The following TRAPPC9 variants were observed in gnomAD, a reference collection of about 807,000 sequenced individuals.
The protein encoded by TRAPPC9 is trafficking protein particle complex subunit 9, also known as IKK2 binding protein.
Under a neutral mutation model 124.0 loss-of-function variants are expected in TRAPPC9, and 83 were observed. That is an observed-to-expected ratio of 0.67 (90% confidence interval 0.56 to 0.80). The LOEUF (loss-of-function observed/expected upper bound fraction) is 0.80. Among genes scored for constraint, TRAPPC9 ranks in the 30% least tolerant of loss-of-function variants. The pLI is 0.00. For synonymous variants in TRAPPC9, 638 were observed against 617.5 expected, an observed-to-expected ratio of 1.03 and a Z score of -0.49; for missense variants, 1,302 against 1,508.3, an observed-to-expected ratio of 0.86 and a Z score of 2.27.
chr8:139,817,025 G>C (rs1229053631), intron 21 of TRAPPC9, among the ~76,000 whole-genome samples: 1 of 106,810 alleles, frequency 9.4e-6, no homozygotes, highest in Admixed American at 1.1e-4. Flanking sequence ...CCTATCTTCA[G>C]TAAGGAAGAA....
intron 20 of TRAPPC9, among the ~76,000 whole-genome samples, chr8:139,898,245 C>T (rs1447166837): frequency 6.6e-6 from 1 of 152,228 alleles, no homozygotes; most frequent in East Asian, 1.9e-4. Context: ...GGGCCCCGTG[C>T]CTCACTTCCA....
intron 17 of TRAPPC9, among the ~76,000 whole-genome samples, chr8:140,145,200 T>A (rs544541327): frequency 6.6e-6 from 1 of 152,230 alleles, no homozygotes; most frequent in African/African-American, 2.4e-5. Flanking sequence ...TAACAGTTTA[T>A]CCATAGATTG....
intron 21 of TRAPPC9, among the ~76,000 whole-genome samples, chr8:139,804,506 TACCACCCACCACCGCCACCACACACAAC>T (rs1823867029): frequency 4.3e-5 from 1 of 23,358 alleles, no homozygotes; most frequent in Non-Finnish European, 7.9e-5. Flanking sequence ...ACACAACCAC[TACCACCCACCACCGCCACCACACACAAC>T]CACCACCACC....
At chr8:140,352,170 G>A (rs1415305621) in intron 9 of TRAPPC9, among the ~76,000 whole-genome samples, 1 of 152,190 alleles carries the variant, frequency 6.6e-6, no homozygotes, top group Non-Finnish European at 1.5e-5. Flanking sequence ...CATTTTAAAG[G>A]ATCATCCACA....
At chr8:139,885,729 C>T in intron 21 of TRAPPC9, 150 bp downstream of exon 21, 2 of 750,930 alleles carry the variant, frequency 2.7e-6, no homozygotes, top group South Asian at 3.3e-5. Flanking sequence ...GTATGGTGAG[C>T]CCGTCTTTTT....
chr8:140,412,976 T>C (rs543702910), intron 5 of TRAPPC9, among the ~76,000 whole-genome samples: 7 of 152,148 alleles, frequency 4.6e-5, no homozygotes, highest in African/African-American at 7.2e-5. Flanking sequence ...GGAAAGGACA[T>C]AGGCCATGAG....
At chr8:139,738,113 A>G (rs971786190) in intron 21 of TRAPPC9, among the ~76,000 whole-genome samples, 1 of 152,026 alleles carries the variant, frequency 6.6e-6, no homozygotes, top group Non-Finnish European at 1.5e-5. Flanking sequence ...GCCTCTGGGG[A>G]TGTTGGGTCC....
chr8:139,748,719 C>T (rs1289961545), intron 21 of TRAPPC9, among the ~76,000 whole-genome samples: 1 of 152,040 alleles, frequency 6.6e-6, no homozygotes, highest in Non-Finnish European at 1.5e-5. Context: ...GCCTTCCCTC[C>T]CAGGGACCTC....
At chr8:139,985,110 C>T (rs987228345) in intron 19 of TRAPPC9, among the ~76,000 whole-genome samples, 8 of 151,998 alleles carry the variant, frequency 5.3e-5, no homozygotes, top group South Asian at 2.1e-4. Flanking sequence ...AAAGAATATT[C>T]GAGTTAGAAG....
chr8:139,731,998 C>T lies in TRAPPC9; in HGVS notation c.3260G>A (p.Ser1087Asn), dbSNP rs762663428. The stretch of plus-strand genomic sequence containing the variant: ...ACGCACCGCGTCGAGGTAGAAGGTG[C>T]TGGAGCCCACGAAGGAGACGGTGTC... ...LHDTVSFVGS[S>N]TFYLDAVQPS... The change falls in exon 22 of 23, where the codon AGC becomes AAC. Residue 1087 changes from serine to asparagine, a missense_variant. Transcript: ENST00000438773. 32 of 1,589,472 alleles carry T rather than the reference C, an allele frequency of 2.0e-5. No homozygotes were observed. Among genetic ancestry groups the T allele is most frequent in the Non-Finnish European group, 2.7e-5 (32 of 1,167,634 alleles).
At chr8:140,142,995 C>T (rs1196332802) in intron 17 of TRAPPC9, among the ~76,000 whole-genome samples, 1 of 152,178 alleles carries the variant, frequency 6.6e-6, no homozygotes, top group Non-Finnish European at 1.5e-5. Flanking sequence ...ATCACCCAAA[C>T]TACATATCCA....
At position 140,301,823 on chromosome 8, in the gene TRAPPC9, G is replaced by A. The variant is rs542537931; in HGVS notation, c.1623-1209C>T. Among the ~76,000 whole-genome samples, 22 of 152,108 alleles carry A rather than the reference G, an allele frequency of 1.4e-4. No individual in the cohort carries two copies. The South Asian group carries it at 2.7e-3, about 19-fold the overall frequency. On this transcript the variant is annotated intron_variant, in intron 10 of 22. Transcript: ENST00000438773. ...GGGCCAGCCCCCAGCTCTCTCCTTC[G>A]GCTGCACGGCCATGGTGATCCTGGA...
At chr8:140,433,425 C>T (rs1285879064) in intron 4 of TRAPPC9, among the ~76,000 whole-genome samples, 2 of 152,020 alleles carry the variant, frequency 1.3e-5, no homozygotes, top group Non-Finnish European at 2.9e-5. Flanking sequence ...CGCATCTCTA[C>T]TGAAATTTAC....
intron 17 of TRAPPC9, among the ~76,000 whole-genome samples, chr8:140,057,164 G>A (rs1020668998): frequency 3.3e-5 from 5 of 152,202 alleles, no homozygotes; most frequent in African/African-American, 1.2e-4. Flanking sequence ...CTGTTAGGAT[G>A]ACTATTATCA....
chr8:140,279,150 C>A (rs1215145590), intron 14 of TRAPPC9, among the ~76,000 whole-genome samples: 2 of 152,220 alleles, frequency 1.3e-5, no homozygotes, highest in Non-Finnish European at 2.9e-5. Flanking sequence ...CCTTCCCGAA[C>A]CCCAAAGACA....
intron 21 of TRAPPC9, among the ~76,000 whole-genome samples, chr8:139,860,976 G>A (rs1017175645): frequency 1.5e-4 from 23 of 152,238 alleles, no homozygotes; most frequent in African/African-American, 5.3e-4. Flanking sequence ...TGGAGCAGGC[G>A]TCTCACAGGC....
chr8:140,220,028 C>T (rs936543499), intron 17 of TRAPPC9, among the ~76,000 whole-genome samples: 5 of 152,342 alleles, frequency 3.3e-5, no homozygotes, highest in African/African-American at 1.2e-4. Context: ...GGGGCACGCC[C>T]TGGGAATCCA....
At chr8:139,883,909 G>A (rs1408636896) in intron 21 of TRAPPC9, among the ~76,000 whole-genome samples, 2 of 152,154 alleles carry the variant, frequency 1.3e-5, no homozygotes, top group Non-Finnish European at 2.9e-5. Context: ...CCTCACTCAC[G>A]GGACTGTGGT....
intron 17 of TRAPPC9, among the ~76,000 whole-genome samples, chr8:140,164,324 G>C (rs1046659670): frequency 6.6e-6 from 1 of 152,182 alleles, no homozygotes; most frequent in Non-Finnish European, 1.5e-5. Context: ...AATTTCCTAA[G>C]TCGTCAACAA....
Sources: allele counts gnomAD v4.1 joint callset (sites outside exome capture counted in the v4.1 genomes callset), GRCh38; gene constraint gnomAD v4.1.1; transcripts MANE v1.5; gene names NCBI Gene and HGNC (gene_info 2026-07-23, HGNC 2026-07-21).